FMO4: variants seen among roughly 807,000 people sequenced by gnomAD.
FMO4 encodes the protein flavin containing dimethylaniline monoxygenase 4.
In FMO4, 38 loss-of-function variants were observed where a neutral mutation model predicts 43.3. That is an observed-to-expected ratio of 0.88 (90% CI 0.68 to 1.15). The LOEUF is 1.15. Ranked by LOEUF, FMO4 falls within the 50% of genes most tolerant of loss-of-function variation. FMO4 has a pLI of 0.00. For missense variants in FMO4, 631 were observed against 663.3 expected (o/e 0.95, Z 0.54); for synonymous variants, 224 against 232.2 (o/e 0.96, Z 0.32).
At chr1:171,324,392 T>A in intron 5 of FMO4, 92 bp downstream of exon 5, 1 of 964,524 alleles carries the variant, frequency 1.0e-6, no homozygotes, top group Non-Finnish European at 1.5e-6. Flanking sequence ...CGCCCCATGA[T>A]TATAGATGGC....
chr1:171,332,797 G>A lies in FMO4; in HGVS notation c.716G>A (p.Cys239Tyr), dbSNP rs1485850069. The A allele has an allele frequency of 1.4e-5, 23 of 1,613,328 alleles. No individual in the cohort carries two copies. Among genetic ancestry groups the A allele is most frequent in the Non-Finnish European group, 1.9e-5 (23 of 1,179,496 alleles). ...TATAATATGATGGTTACAAGAAGAT[G>A]CTGTAGTTTTATTGCACAAGTTCTG... is the stretch of plus-strand genomic sequence containing the variant. Reference protein sequence around the residue: ...YPYNMMVTRRCCSFIAQVLPS... With the variant: ...YPYNMMVTRRYCSFIAQVLPS... The change falls in exon 7 of 10, where the codon TGC becomes TAC. Residue 239 changes from cysteine to tyrosine, a missense_variant. By Grantham distance (194) the Cys-to-Tyr change is radical (BLOSUM62 -2). Coordinates refer to ENST00000367749, the MANE Select transcript of FMO4 (RefSeq NM_002022.3).
chr1:171,336,604 T>C (rs1663128003), intron 8 of FMO4, among the ~76,000 whole-genome samples: 3 of 151,950 alleles, frequency 2.0e-5, no homozygotes, highest in Non-Finnish European at 2.9e-5. Flanking sequence ...GACAGGGTTA[T>C]AAAGTGGGTT....
At position 171,324,166 on chromosome 1, in the gene FMO4, C is replaced by T; in HGVS notation, c.350C>T (p.Pro117Leu). ...ACTGTGTGCAGCATAACGAAGCGTC[C>T]AGACTTCTCCGAAACTGGTCAGTGG... The part of the protein sequence containing the change: ...KTTVCSITKR[P>L]DFSETGQWDV... The change falls in exon 5 of 10, where the codon CCA (proline) becomes CTA (leucine). Residue 117 changes from proline (P) to leucine (L), a missense_variant. Transcript: ENST00000367749. 1.2e-6 allele frequency: 2 copies of T among 1,613,240 alleles called. No homozygotes were observed. The highest frequency in any genetic ancestry group is 1.1e-5 in the South Asian group (1 of 90,934).
At position 171,334,684 on chromosome 1, in the gene FMO4, C is replaced by G; in HGVS notation, c.1101C>G (p.Ile367Met). Residue 367 changes from isoleucine (I) to methionine (M), a missense_variant, in exon 8 of 10, where the codon ATC (isoleucine) becomes ATG (methionine). Physicochemically the swap from Ile to Met is conservative, Grantham distance 10. Coordinates refer to ENST00000367749, the MANE Select transcript of FMO4 (RefSeq NM_002022.3). ...PLNLERATLA[I>M]IGLIGLKGSI... ...ACCTAGAGAGAGCGACATTAGCCAT[C>G]ATCGGCCTTATCGGCCTTAAAGGAT... 1 of 1,613,344 alleles carries G rather than the reference C, an allele frequency of 6.2e-7. No homozygotes were observed. The highest frequency in any genetic ancestry group is 8.5e-7 in the Non-Finnish European group (1 of 1,179,728).
chr1:171,337,672 C>A (rs1056219982), intron 9 of FMO4, among the ~76,000 whole-genome samples: 1 of 152,168 alleles, frequency 6.6e-6, no homozygotes, highest in Admixed American at 6.6e-5. Flanking sequence ...CAGTGGCAAT[C>A]CTGTCTTCAC....
intron 4 of FMO4, 113 bp downstream of exon 4, chr1:171,323,305 T>C (rs1378682578): frequency 1.0e-5 from 7 of 693,916 alleles, no homozygotes; most frequent in African/African-American, 3.6e-5. Flanking sequence ...TCCAAATAAA[T>C]AGGAAGATAA....
intron 2 of FMO4, among the ~76,000 whole-genome samples, chr1:171,318,497 T>A (rs1662283037): frequency 1.3e-5 from 2 of 152,082 alleles, no homozygotes; most frequent in African/African-American, 2.4e-5. Flanking sequence ...TTTAAAAAAA[T>A]TAAAATAAAT....
chr1:171,326,410 A>C (rs966204902), intron 5 of FMO4, among the ~76,000 whole-genome samples: 1 of 152,244 alleles, frequency 6.6e-6, no homozygotes, highest in African/African-American at 2.4e-5. Flanking sequence ...GCTGAGGCAT[A>C]AAATGTGATT....
intron 5 of FMO4, among the ~76,000 whole-genome samples, chr1:171,329,995 T>C (rs529024433): frequency 1.8e-4 from 28 of 152,328 alleles, no homozygotes; most frequent in South Asian, 1.2e-3. Context: ...TATTTGTGAG[T>C]TTGATTTCCT....
chr1:171,336,898 A>G (rs1663141144), intron 8 of FMO4, among the ~76,000 whole-genome samples: 1 of 152,126 alleles, frequency 6.6e-6, no homozygotes, highest in Non-Finnish European at 1.5e-5. Flanking sequence ...CACTATGACC[A>G]GCCTAAAATG....
chr1:171,337,045 A>C (rs1242528057), intron 8 of FMO4, among the ~76,000 whole-genome samples: 1 of 152,136 alleles, frequency 6.6e-6, no homozygotes, highest in Non-Finnish European at 1.5e-5. Flanking sequence ...ATACAGCAAA[A>C]GCAGATGAAG....
chr1:171,316,725 A>C (rs1483618127), intron 2 of FMO4, among the ~76,000 whole-genome samples: 1 of 152,174 alleles, frequency 6.6e-6, no homozygotes, highest in Non-Finnish European at 1.5e-5. Flanking sequence ...GCATTTTTTA[A>C]TACATAATGA....
At chr1:171,326,564 A>G (rs1476829421) in intron 5 of FMO4, among the ~76,000 whole-genome samples, 2 of 152,240 alleles carry the variant, frequency 1.3e-5, no homozygotes, top group Non-Finnish European at 2.9e-5. Context: ...GGGAACAAGG[A>G]GTGCACAGAT....
At chr1:171,332,152 A>C (rs1279172219) in intron 6 of FMO4, among the ~76,000 whole-genome samples, 1 of 152,160 alleles carries the variant, frequency 6.6e-6, no homozygotes, top group Non-Finnish European at 1.5e-5. Flanking sequence ...ATCCCTATGT[A>C]AGAATAGAAA....
At chr1:171,339,603 C>T (rs1428813674) in intron 9 of FMO4, among the ~76,000 whole-genome samples, 1 of 152,154 alleles carries the variant, frequency 6.6e-6, no homozygotes, top group East Asian at 1.9e-4. Flanking sequence ...CTATGATGAA[C>T]TTGCAAACTA....
intron 4 of FMO4, 40 bp from the exon 5 acceptor site, chr1:171,324,097 AG>A (rs1408925253): frequency 6.4e-7 from 1 of 1,563,394 alleles, no homozygotes; most frequent in African/African-American, 1.4e-5. Context: ...ATGAGGTCCA[AG>A]GGTGTTAGTG....
intron 8 of FMO4, among the ~76,000 whole-genome samples, chr1:171,337,066 C>A (rs1360570675): frequency 6.6e-6 from 1 of 151,970 alleles, no homozygotes; most frequent in Admixed American, 6.6e-5. Context: ...AGAGACAGGG[C>A]AGGCCAACTG....
At position 171,331,697 on chromosome 1, in the gene FMO4, G is replaced by C; in HGVS notation, c.542G>C (p.Gly181Ala). 1 of 1,613,924 alleles carries C rather than the reference G, an allele frequency of 6.2e-7. No individual in the cohort carries two copies. Among genetic ancestry groups the C allele is most frequent in the Non-Finnish European group, 8.5e-7 (1 of 1,179,836 alleles). The stretch of plus-strand genomic sequence containing the variant: ...AGTCAAGAGTACAAGATCCCAGAAG[G>C]CTTTCAGGGCAAACGCGTCTTGGTG... ...LHSQEYKIPE[G>A]FQGKRVLVIG... Residue 181 changes from glycine (G) to alanine (A), a missense_variant, in exon 6 of 10, where the codon GGC becomes GCC. Gly to Ala is a moderately conservative substitution (Grantham distance 60). Transcript: ENST00000367749.
intron 8 of FMO4, among the ~76,000 whole-genome samples, chr1:171,336,961 GCACACACA>G (rs35512975): frequency 2.0e-5 from 3 of 147,028 alleles, no homozygotes; most frequent in Admixed American, 6.8e-5. Flanking sequence ...ACACAAACAT[GCACACACA>G]CACACACACA....
Sources: allele counts gnomAD v4.1 joint callset (sites outside exome capture counted in the v4.1 genomes callset), GRCh38; gene constraint gnomAD v4.1.1; transcripts MANE v1.5; gene names NCBI Gene and HGNC (gene_info 2026-07-23, HGNC 2026-07-21).